CORO2B: variants seen among roughly 807,000 people sequenced by gnomAD.
CORO2B encodes coronin 2B.
In CORO2B, 26 loss-of-function variants were observed where a neutral mutation model predicts 58.8. The observed-to-expected ratio is 0.44, with a 90% CI of 0.32 to 0.61. CORO2B has a LOEUF of 0.61. Among genes scored for constraint, CORO2B ranks in the 20% least tolerant of loss-of-function variants. CORO2B has a pLI of 0.04. For missense variants in CORO2B, 460 were observed against 645.1 expected (o/e 0.71, Z 3.11); for synonymous variants, 242 against 253.8 (o/e 0.95, Z 0.44).
At chr15:68,686,020 G>GTTTTTTTTTTTT (rs56168498) in intron 2 of CORO2B, among the ~76,000 whole-genome samples, 3 of 103,334 alleles carry the variant, frequency 2.9e-5, no homozygotes, top group Non-Finnish European at 5.9e-5. Flanking sequence ...TCCTACTTCT[G>GTTTTTTTTTTTT]TTTTTTTTTT....
chr15:68,563,473 T>A, the CORO2B span, among the ~76,000 whole-genome samples: 1 of 136,656 alleles, frequency 7.3e-6, no homozygotes, highest in African/African-American at 2.8e-5. Context: ...GGCAACAGAG[T>A]GAAATTCTGT....
intron 1 of CORO2B, among the ~76,000 whole-genome samples, chr15:68,601,428 G>C (rs1165055523): frequency 6.6e-6 from 1 of 152,218 alleles, no homozygotes; most frequent in Non-Finnish European, 1.5e-5. Context: ...GGATAAAACG[G>C]TAAGTGTGGC....
the CORO2B span, among the ~76,000 whole-genome samples, chr15:68,534,861 A>G: frequency 3.9e-3 from 600 of 152,322 alleles, 1 homozygote; most frequent in African/African-American, 0.014. Context: ...CGAAAGACAC[A>G]TCTTATGTGG....
chr15:68,666,773 C>A (rs1902205477), intron 2 of CORO2B, among the ~76,000 whole-genome samples: 1 of 152,104 alleles, frequency 6.6e-6, no homozygotes, highest in African/African-American at 2.4e-5. Flanking sequence ...TTGATGTTGT[C>A]CTTTCTTATC....
At chr15:68,521,227 T>C in the CORO2B span, among the ~76,000 whole-genome samples, 2 of 152,210 alleles carry the variant, frequency 1.3e-5, no homozygotes, top group Non-Finnish European at 2.9e-5. Context: ...ATTAATAAGC[T>C]ATTTTTCATT....
At chr15:68,585,399 C>T (rs573242167) in intron 1 of CORO2B, among the ~76,000 whole-genome samples, 33 of 152,172 alleles carry the variant, frequency 2.2e-4, no homozygotes, top group Non-Finnish European at 3.7e-4. Context: ...ATTAAGCAGG[C>T]GTTGGGCACG....
chr15:68,546,215 C>T, the CORO2B span, among the ~76,000 whole-genome samples: 1 of 152,176 alleles, frequency 6.6e-6, no homozygotes, highest in Admixed American at 6.5e-5. Flanking sequence ...ATTGTAGTGT[C>T]CATTTTGCAA....
At chr15:68,596,565 G>A (rs1899835005) in intron 1 of CORO2B, among the ~76,000 whole-genome samples, 1 of 152,172 alleles carries the variant, frequency 6.6e-6, no homozygotes. Flanking sequence ...GCTCCCATAA[G>A]GCTGGCCTGT....
intron 1 of CORO2B, chr15:68,641,458 CAG>C: frequency 1.1e-6 from 1 of 877,522 alleles, no homozygotes; most frequent in Non-Finnish European, 1.4e-6. Flanking sequence ...GAAAGAAGGG[CAG>C]AGAGTGGGAG....
chr15:68,528,933 G>A, the CORO2B span, among the ~76,000 whole-genome samples: 10 of 152,088 alleles, frequency 6.6e-5, no homozygotes, highest in Non-Finnish European at 1.0e-4. Context: ...TTAATTAAAC[G>A]TTTATAAATT....
chr15:68,722,839 G>A lies in CORO2B; in HGVS notation c.1312-3004G>A, dbSNP rs556642889. Among the ~76,000 whole-genome samples, 27 of 152,142 alleles carry A rather than the reference G, an allele frequency of 1.8e-4. 1 individual carries two copies. Among genetic ancestry groups the A allele is most frequent in the Admixed American group, 1.6e-3 (25 of 15,268 alleles). On this transcript the variant is annotated intron_variant, in intron 11 of 11. Transcript: ENST00000261861. ...TCCCAGCACTTTGGGAGGCTGAGGC[G>A]GGAGGATTGCCTGAGGTTAAGAGTT...
chr15:68,692,548 A>G (rs73427125), intron 2 of CORO2B, among the ~76,000 whole-genome samples: 94,756 of 150,126 alleles, frequency 0.63, 31,963 homozygotes, highest in East Asian at 0.94. Context: ...TCACACCACT[A>G]CACTCCAGCC....
At chr15:68,518,688 A>T in the CORO2B span, among the ~76,000 whole-genome samples, 11 of 151,782 alleles carry the variant, frequency 7.2e-5, no homozygotes, top group African/African-American at 2.7e-4. Context: ...CTTCGGGCTG[A>T]TCTCTACCCT....
chr15:68,527,053 C>T, the CORO2B span, among the ~76,000 whole-genome samples: 9 of 152,270 alleles, frequency 5.9e-5, no homozygotes, highest in African/African-American at 2.2e-4. Flanking sequence ...AGTGAGAAGG[C>T]ATCTGTTTGA....
chr15:68,641,316 T>C (rs1244536931), intron 1 of CORO2B, among the ~76,000 whole-genome samples: 1 of 152,112 alleles, frequency 6.6e-6, no homozygotes, highest in Non-Finnish European at 1.5e-5. Context: ...AGCTGGGCTG[T>C]GGGGGCAACA....
At chr15:68,718,498 C>T (rs989216703) in intron 8 of CORO2B, among the ~76,000 whole-genome samples, 200 bp from the exon 9 acceptor site, 2 of 152,142 alleles carry the variant, frequency 1.3e-5, no homozygotes, top group Non-Finnish European at 2.9e-5. Context: ...CAGGTCTGGC[C>T]CAAGGAGCTT....
In CORO2B at chr15:68,686,728, G is replaced by A. The variant is rs1037783712; in HGVS notation, c.217-8412G>A. 6.6e-5 allele frequency among the ~76,000 whole-genome samples: 10 copies of A among 151,892 alleles called. No homozygotes were observed. The South Asian group carries it at 1.0e-3, about 16-fold the overall frequency. ...AGCCTGATCGACATGGTGAAACCCC[G>A]TCTCTACTAAAAATACAAAAATTAG... On this transcript the variant is annotated intron_variant, in intron 2 of 11. Coordinates refer to ENST00000261861, the MANE Select transcript of CORO2B (RefSeq NM_006091.5).
intron 2 of CORO2B, among the ~76,000 whole-genome samples, chr15:68,688,307 T>C (rs113649305): frequency 0.024 from 3,657 of 152,310 alleles, 130 homozygotes; most frequent in African/African-American, 0.077. Context: ...ATGTATTTTC[T>C]TGTAGATTGG....
chr15:68,605,276 A>G (rs1414405207), intron 1 of CORO2B, among the ~76,000 whole-genome samples: 2 of 152,252 alleles, frequency 1.3e-5, no homozygotes, highest in East Asian at 3.8e-4. Context: ...CAATTTGGCA[A>G]CAGACACCAC....
Sources: gnomAD v4.1 joint callset for allele counts (sites outside exome capture counted in the v4.1 genomes callset) on GRCh38, gnomAD v4.1.1 for gene constraint, MANE v1.5 for transcripts, NCBI Gene and HGNC (gene_info 2026-07-23, HGNC 2026-07-21) for gene names.